FBXO31: variants seen among roughly 807,000 people sequenced by gnomAD.
FBXO31 encodes the protein F-box protein 31, also known as F-box only protein 31.
FBXO31 carries 24 observed loss-of-function variants against 54.4 expected under a neutral mutation model. That is an observed-to-expected ratio of 0.44 (90% CI 0.32 to 0.62). The LOEUF (loss-of-function observed/expected upper bound fraction) is 0.62. FBXO31 is among the 20% of genes least tolerant of loss of function. The probability of loss-of-function intolerance (pLI) is 0.05; values close to 1 mark genes in which losing one functional copy is unlikely to be tolerated. For missense variants in FBXO31, 665 were observed against 787.1 expected (o/e 0.84, Z 1.86); for synonymous variants, 388 against 335.6 (o/e 1.16, Z -1.71).
chr16:87,337,699 AG>A (rs35064151), intron 5 of FBXO31, among the ~76,000 whole-genome samples: 40,738 of 152,018 alleles, frequency 0.27, 6,783 homozygotes, highest in Non-Finnish European at 0.39. Flanking sequence ...GTGCTCCGTC[AG>A]TTGGGTTTTC....
chr16:87,378,810 A>T (rs1298083530), intron 1 of FBXO31, among the ~76,000 whole-genome samples: 1 of 151,950 alleles, frequency 6.6e-6, no homozygotes, highest in Non-Finnish European at 1.5e-5. Context: ...AAAGACAAAA[A>T]ATTTAGCAGG....
intron 2 of FBXO31, among the ~76,000 whole-genome samples, chr16:87,348,412 A>G (rs1370580245): frequency 2.0e-5 from 3 of 152,200 alleles, no homozygotes; most frequent in Non-Finnish European, 4.4e-5. Context: ...ATCAAGAGAA[A>G]GCAGTGAGCG....
intron 1 of FBXO31, among the ~76,000 whole-genome samples, chr16:87,371,167 C>T (rs563318876): frequency 1.3e-5 from 2 of 152,352 alleles, no homozygotes; most frequent in East Asian, 1.9e-4. Context: ...TCCTATCAAA[C>T]ATCAGAGTAT....
rs541907477 is a variant in FBXO31 at position 87,368,942 on chromosome 16, C to T, written c.341-8576G>A. The stretch of plus-strand genomic sequence containing the variant: ...AGCCTACCAAGTAGCTGGGATTACA[C>T]GTGCCCGCCACCACACCTGGCCCCA... On this transcript the variant is annotated intron_variant, in intron 1 of 8. Transcript: ENST00000311635. Among the ~76,000 whole-genome samples, 7 of 152,154 alleles carry T rather than the reference C, an allele frequency of 4.6e-5. No individual in the cohort carries two copies. In the East Asian group the frequency reaches 7.8e-4, roughly 17 times the overall value.
Position 87,334,108 on chromosome 16 carries a change from C to T in FBXO31, c.1175G>A (p.Arg392His), listed in dbSNP as rs569627106. The T allele has an allele frequency of 1.9e-5, 31 of 1,610,234 alleles. No individual in the cohort carries two copies. Among genetic ancestry groups the T allele is most frequent in the Middle Eastern group, 1.7e-4 (1 of 6,028 alleles). ...QEGGHEAGEG[R>H]GRQGPRESQP... ...GGACTCCCGGGGGCCCTGCCGGCCA[C>T]GACCCTCGCCCGCCTCGTGCCCGCC... Residue 392 changes from arginine to histidine, a missense_variant, in exon 8 of 9, where the codon CGT (arginine) becomes CAT (histidine). Around this residue, in one of 4 missense-constraint regions of FBXO31, gnomAD observed 165 missense variants for 159.7 expected, o/e 1.03. Coordinates refer to ENST00000311635, the MANE Select transcript of FBXO31 (RefSeq NM_024735.5).
At chr16:87,383,822 C>G (rs1161930774), upstream of FBXO31, 4 of 1,046,828 alleles carry the variant, frequency 3.8e-6, no homozygotes, top group African/African-American at 6.8e-5. This position sits in a 1 kb window ranked among gnomAD's most constrained non-coding sequence, Gnocchi z 4.9. Context: ...CGAGCCACGC[C>G]CCCGCCGCAG....
upstream of FBXO31, among the ~76,000 whole-genome samples, chr16:87,388,174 A>C (rs1200419336): frequency 3.3e-5 from 5 of 152,258 alleles, no homozygotes; most frequent in Admixed American, 6.5e-5. Context: ...CTGATTTGTC[A>C]GTGCTTTACC....
chr16:87,342,791 C>A (rs995678261), intron 5 of FBXO31, 86 bp downstream of exon 5: 24 of 1,200,390 alleles, frequency 2.0e-5, no homozygotes, highest in Non-Finnish European at 2.8e-5. Context: ...ATGCTGCTGA[C>A]TTCTCTCCCG....
In FBXO31 at chr16:87,335,400, G is replaced by C. The variant is rs1381815869; in HGVS notation, c.900C>G (p.Ile300Met). 6.2e-7 allele frequency: 1 copy of C among 1,613,874 alleles called. No homozygotes were observed. Among genetic ancestry groups the C allele is most frequent in the African/African-American group, 1.3e-5 (1 of 74,944 alleles). Residue 300 changes from isoleucine (I) to methionine (M), a missense_variant, in exon 7 of 9, where the codon ATC (isoleucine) becomes ATG (methionine). By Grantham distance (10) the Ile-to-Met change is conservative. Coordinates refer to ENST00000311635, the MANE Select transcript of FBXO31 (RefSeq NM_024735.5). This position sits in a 1 kb window ranked among gnomAD's most constrained non-coding sequence, Gnocchi z 5.7. ...AGGTACCTTTGAAGAGGCCAGGCTT[G>C]ATGAGGTCGTCGGGGCGGCTGGGCG... ...YLPPSRPDDL[I>M]KPGLFKGTYG...
At chr16:87,356,472 A>G in intron 2 of FBXO31, among the ~76,000 whole-genome samples, 1 of 151,776 alleles carries the variant, frequency 6.6e-6, no homozygotes, top group East Asian at 1.9e-4. Context: ...GACTCCTGAG[A>G]GGTCCACAGA....
chr16:87,349,923 A>T (rs568174726), intron 2 of FBXO31, among the ~76,000 whole-genome samples: 1 of 148,968 alleles, frequency 6.7e-6, no homozygotes, highest in African/African-American at 2.4e-5. Context: ...AAAAAAAAAA[A>T]TCCCCTCTAT....
intron 2 of FBXO31, among the ~76,000 whole-genome samples, chr16:87,359,852 C>T (rs1906057679): frequency 6.6e-6 from 1 of 152,170 alleles, no homozygotes; most frequent in Non-Finnish European, 1.5e-5. Context: ...GCTCAGCCTG[C>T]TCACAGAATG....
chr16:87,391,234 GCGACCGAGGC>G (rs956619562), upstream of FBXO31, among the ~76,000 whole-genome samples: 1 of 152,124 alleles, frequency 6.6e-6, no homozygotes, highest in Non-Finnish European at 1.5e-5. Context: ...TTGAGCCCAG[GCGACCGAGGC>G]CGCCGCGAGC....
intron 5 of FBXO31, among the ~76,000 whole-genome samples, chr16:87,339,033 C>T (rs150519798): frequency 7.4e-4 from 112 of 152,350 alleles, no homozygotes; most frequent in African/African-American, 2.3e-3. Flanking sequence ...ATGCGCCTTT[C>T]GCCTTCCACC....
chr16:87,359,805 G>A (rs1254110669), intron 2 of FBXO31, among the ~76,000 whole-genome samples: 1 of 152,214 alleles, frequency 6.6e-6, no homozygotes, highest in Non-Finnish European at 1.5e-5. Context: ...ACTCTGGAAA[G>A]CGGGTGAACC....
At position 87,360,529 on chromosome 16, in the gene FBXO31, G is replaced by A. The variant is rs1906087553; in HGVS notation, c.341-163C>T. 23 of 638,388 alleles carry A rather than the reference G, an allele frequency of 3.6e-5. No individual in the cohort carries two copies. The South Asian group carries it at 3.9e-4, about 11-fold the overall frequency. The allele number at this position is 638,388 out of a possible 1,614,324, so 39.5% of individuals were successfully genotyped here. On this transcript the variant is annotated intron_variant, in intron 1 of 8. Transcript: ENST00000311635. ...GATTTCACTGACTTCTCCACATTCA[G>A]TAAACACCCTTGTTCACCGATGAAG... is the stretch of plus-strand genomic sequence containing the variant.
rs545863160 is a variant in FBXO31 at position 87,383,274 on chromosome 16, C to T, written c.340+131G>A. ...CGCTCCCCACCCACACCCAAAACAC[C>T]ACATCGCCGGGCCCCGCGCCCAACT... On this transcript the variant is annotated intron_variant, in intron 1 of 8. Coordinates refer to ENST00000311635, the MANE Select transcript of FBXO31 (RefSeq NM_024735.5). The surrounding 1 kb of genome is among the most constrained non-coding windows in gnomAD (Gnocchi z 4.9). 8 of 876,640 alleles carry T rather than the reference C, an allele frequency of 9.1e-6. No individual in the cohort carries two copies. In the African/African-American group the frequency reaches 1.3e-4, roughly 14 times the overall value. The allele number at this position is 876,640 out of a possible 1,614,324, so 54.3% of individuals were successfully genotyped here.
chr16:87,384,888 C>G (rs1210459857), upstream of FBXO31, among the ~76,000 whole-genome samples: 2 of 151,990 alleles, frequency 1.3e-5, no homozygotes, highest in East Asian at 1.9e-4. Context: ...AAAATAGCCA[C>G]AAATGGCTGG....
chr16:87,361,110 C>A (rs537012306), intron 1 of FBXO31, among the ~76,000 whole-genome samples: 24 of 152,366 alleles, frequency 1.6e-4, no homozygotes, highest in African/African-American at 5.8e-4. Flanking sequence ...CTAATCCACA[C>A]AACTACAGAA....
Sources: gnomAD v4.1 joint callset for allele counts (sites outside exome capture counted in the v4.1 genomes callset) on GRCh38, gnomAD v4.1.1 for gene constraint, gnomAD v4.1.1 regional missense constraint, Gnocchi (gnomAD v3.1) non-coding constraint, MANE v1.5 for transcripts, NCBI Gene and HGNC (gene_info 2026-07-23, HGNC 2026-07-21) for gene names.